Variants in GLT6D1 observed in about 807,000 individuals in gnomAD.
GLT6D1 encodes the protein glycosyltransferase 6 domain containing 1.
GLT6D1 carries 9 observed loss-of-function variants against 12.3 expected under a neutral mutation model. The ratio of observed to expected loss-of-function variants is 0.73; its 90% CI spans 0.44 to 1.27. The LOEUF (loss-of-function observed/expected upper bound fraction) is 1.27, where lower values mean the gene tolerates loss of function less well. Ranked by LOEUF, GLT6D1 falls within the 50% of genes most tolerant of loss-of-function variation. The pLI, the probability that GLT6D1 is intolerant of heterozygous loss-of-function variation, is 0.00. For synonymous variants in GLT6D1, 128 were observed against 132.3 expected (o/e 0.97, Z 0.23); for missense variants, 335 against 346.2 (o/e 0.97, Z 0.26).
At chr9:135,628,370 C>G (rs1383630357) in intron 3 of GLT6D1, among the ~76,000 whole-genome samples, 1 of 151,972 alleles carries the variant, frequency 6.6e-6, no homozygotes, top group Non-Finnish European at 1.5e-5. Flanking sequence ...TCTATTAATA[C>G]AGTGTATTAC....
At position 135,639,423 on chromosome 9, in the gene GLT6D1, C is replaced by T. The variant is rs369151117; in HGVS notation, c.-137G>A. On this transcript the variant is annotated 5_prime_UTR_variant, in exon 1 of 5. Transcript: ENST00000371763. ...CAGCTGCACGTGCACTGTCTCTCCC[C>T]GTGTTCACATCAAAGTCTGCGTTGA... The T allele has an allele frequency of 1.3e-5, 5 of 388,332 alleles. No individual in the cohort carries two copies. The highest frequency in any genetic ancestry group is 4.5e-5 in the East Asian group (1 of 22,106). 24.1% of individuals were successfully genotyped at this position (388,332 alleles called of 1,614,324 possible). A position where few individuals can be genotyped will look rare whatever the true frequency, so the allele number is the denominator to read the frequency against.
chr9:135,628,123 T>C (rs1016596073), intron 3 of GLT6D1, among the ~76,000 whole-genome samples: 1 of 152,144 alleles, frequency 6.6e-6, no homozygotes, highest in African/African-American at 2.4e-5. Flanking sequence ...GTTTTTCCCA[T>C]TCTGTGGGTT....
chr9:135,636,561 G>A (rs376907549), intron 2 of GLT6D1, among the ~76,000 whole-genome samples: 20 of 152,046 alleles, frequency 1.3e-4, no homozygotes, highest in East Asian at 3.9e-4. Context: ...GTGCTGTAAC[G>A]TCCTGTGGGT....
At chr9:135,630,406 GA>G (rs71384006) in intron 3 of GLT6D1, among the ~76,000 whole-genome samples, 90,531 of 129,232 alleles carry the variant, frequency 0.7, 30,462 homozygotes, top group East Asian at 0.76. Context: ...CTCTGTCTCA[GA>G]AAAAAAAAAA....
intron 2 of GLT6D1, among the ~76,000 whole-genome samples, chr9:135,638,340 C>G (rs148597134): frequency 4.9e-4 from 74 of 152,266 alleles, no homozygotes; most frequent in Middle Eastern, 3.4e-3. Flanking sequence ...GGGGAAAGAG[C>G]CAAACCATAC....
chr9:135,632,026 C>T (rs1180285912), intron 2 of GLT6D1, among the ~76,000 whole-genome samples: 1 of 152,130 alleles, frequency 6.6e-6, no homozygotes, highest in Non-Finnish European at 1.5e-5. Context: ...GCACAAGCTA[C>T]CTCCCTTTGC....
chr9:135,635,179 G>C (rs1052895967), intron 2 of GLT6D1, among the ~76,000 whole-genome samples: 6 of 152,082 alleles, frequency 3.9e-5, no homozygotes, highest in Non-Finnish European at 7.3e-5. Context: ...ACTTGTGGAA[G>C]TTCGTTTCAT....
At chr9:135,633,416 A>AC (rs1833693220) in intron 2 of GLT6D1, among the ~76,000 whole-genome samples, 1 of 151,786 alleles carries the variant, frequency 6.6e-6, no homozygotes, top group Non-Finnish European at 1.5e-5. Context: ...CGCCTGGCTA[A>AC]TGTTTTTTTA....
upstream of GLT6D1, among the ~76,000 whole-genome samples, chr9:135,641,206 A>G (rs1833885611): frequency 6.6e-6 from 1 of 152,162 alleles, no homozygotes. Context: ...ACCAGCTGCC[A>G]TCTACTGCTC....
chr9:135,629,158 C>A (rs1243623849), intron 3 of GLT6D1, among the ~76,000 whole-genome samples: 2 of 151,954 alleles, frequency 1.3e-5, no homozygotes, highest in African/African-American at 2.4e-5. Flanking sequence ...AAGTTTAAGA[C>A]CAGCCTGGTC....
At chr9:135,634,249 C>G (rs996714191) in intron 2 of GLT6D1, among the ~76,000 whole-genome samples, 1 of 152,116 alleles carries the variant, frequency 6.6e-6, no homozygotes, top group African/African-American at 2.4e-5. Flanking sequence ...CTGCCTCAGA[C>G]TCCCAAGTAG....
At chr9:135,637,212 A>T (rs1833796396) in intron 2 of GLT6D1, among the ~76,000 whole-genome samples, 1 of 151,060 alleles carries the variant, frequency 6.6e-6, no homozygotes, top group African/African-American at 2.4e-5. Flanking sequence ...CAGCATGTTT[A>T]TCCTTCTCCT....
intron 2 of GLT6D1, 125 bp from the exon 3 acceptor site, chr9:135,631,603 C>A (rs368065878): frequency 1.2e-5 from 9 of 745,490 alleles, no homozygotes; most frequent in South Asian, 2.9e-5. Context: ...TCAGGGGAAG[C>A]CTCCCAGAGA....
At chr9:135,630,271 T>A (rs1833611011) in intron 3 of GLT6D1, among the ~76,000 whole-genome samples, 1 of 151,814 alleles carries the variant, frequency 6.6e-6, no homozygotes, top group South Asian at 2.1e-4. Context: ...CCAGGCGTGG[T>A]GGCAGGCGCC....
chr9:135,635,618 T>C (rs1477225436), intron 2 of GLT6D1, among the ~76,000 whole-genome samples: 1 of 152,210 alleles, frequency 6.6e-6, no homozygotes, highest in African/African-American at 2.4e-5. Context: ...ATCTGCTGCT[T>C]TCCTGGAGAA....
chr9:135,631,510 A>T, intron 2 of GLT6D1, 32 bp from the exon 3 acceptor site: 1 of 1,539,108 alleles, frequency 6.5e-7, no homozygotes, highest in Non-Finnish European at 9.0e-7. Context: ...AGTGATTGCA[A>T]GGAGCCTGTT....
At chr9:135,630,296 C>T (rs1401403045) in intron 3 of GLT6D1, among the ~76,000 whole-genome samples, 2 of 151,400 alleles carry the variant, frequency 1.3e-5, no homozygotes, top group African/African-American at 4.9e-5. Flanking sequence ...GTCCCAGCTA[C>T]TTGGGAGGCT....
upstream of GLT6D1, among the ~76,000 whole-genome samples, chr9:135,641,166 G>GCAT (rs35004722): frequency 0.5 from 76,173 of 151,718 alleles, 20,414 homozygotes; most frequent in Middle Eastern, 0.62. Context: ...GATCTTCTAA[G>GCAT]CATATCTTTT....
Position 135,624,640 on chromosome 9 carries a change from T to C in GLT6D1, c.288A>G (p.Leu96=). The C allele has an allele frequency of 6.3e-7, 1 of 1,598,870 alleles. No homozygotes were observed. Among genetic ancestry groups the C allele is most frequent in the Admixed American group, 1.7e-5 (1 of 58,736 alleles). Residue 96 remains leucine, a synonymous_variant, in exon 5 of 5, where the codon CTA becomes CTG. Coordinates refer to ENST00000371763, the MANE Select transcript of GLT6D1 (RefSeq NM_182974.3). ...TCATGAAGTGCTTATTTGCGGAGTG[T>C]AGGAACGGCCTCAGGTACTCCTCTG... The part of the protein sequence containing the change: ...RFAEEYLRPF[L]HSANKHFMTG...
Sources: gnomAD v4.1 joint callset for allele counts (sites outside exome capture counted in the v4.1 genomes callset) on GRCh38, gnomAD v4.1.1 for gene constraint, MANE v1.5 for transcripts, NCBI Gene and HGNC (gene_info 2026-07-23, HGNC 2026-07-21) for gene names.